Variants in OXR1 observed in about 807,000 individuals in gnomAD.
The protein encoded by OXR1 is oxidation resistance 1.
OXR1 carries 41 observed loss-of-function variants against 104.6 expected under a neutral mutation model. That is an observed-to-expected ratio of 0.39 (90% CI 0.31 to 0.51). The LOEUF (loss-of-function observed/expected upper bound fraction) is 0.51. Among genes scored for constraint, OXR1 ranks in the 20% least tolerant of loss-of-function variants. OXR1 has a pLI of 0.77. For synonymous variants in OXR1, 348 were observed against 348.4 expected, an observed-to-expected ratio of 1.00 and a Z score of 0.01; for missense variants, 955 against 1,031.9, an observed-to-expected ratio of 0.93 and a Z score of 1.02.
chr8:106,529,999 T>C (rs1278551505), intron 3 of OXR1, among the ~76,000 whole-genome samples: 1 of 152,198 alleles, frequency 6.6e-6, no homozygotes, highest in Non-Finnish European at 1.5e-5. Context: ...AAACTTGCCC[T>C]TTTAACCTGC....
intron 1 of OXR1, among the ~76,000 whole-genome samples, chr8:106,273,254 A>AG (rs969438483): frequency 4.3e-4 from 66 of 152,236 alleles, no homozygotes; most frequent in South Asian, 1.0e-3. Flanking sequence ...GAAAAAAAAA[A>AG]AAGAAGAAGA....
chr8:106,682,986 A>G (rs909820815), intron 4 of OXR1, among the ~76,000 whole-genome samples: 1 of 152,166 alleles, frequency 6.6e-6, no homozygotes, highest in Non-Finnish European at 1.5e-5. Context: ...CTACATGTAA[A>G]TGTATTGTGA....
At chr8:106,454,054 G>A (rs531999576) in intron 2 of OXR1, among the ~76,000 whole-genome samples, 97 of 152,216 alleles carry the variant, frequency 6.4e-4, no homozygotes, top group East Asian at 9.7e-4. Flanking sequence ...TAAATAAAAG[G>A]GAAACATAAG....
At chr8:106,354,186 A>G (rs1453574530) in intron 1 of OXR1, among the ~76,000 whole-genome samples, 1 of 152,012 alleles carries the variant, frequency 6.6e-6, no homozygotes, top group Non-Finnish European at 1.5e-5. Context: ...TAGAGAGCCT[A>G]GGTTAGGAAA....
At chr8:106,527,604 C>G (rs776565043) in intron 3 of OXR1, among the ~76,000 whole-genome samples, 6 of 152,192 alleles carry the variant, frequency 3.9e-5, no homozygotes, top group Non-Finnish European at 5.9e-5. Context: ...ATTAACTATT[C>G]ATTTGCCAGG....
chr8:106,657,880 C>T, intron 3 of OXR1: 2 of 1,242,920 alleles, frequency 1.6e-6, no homozygotes, highest in Non-Finnish European at 2.0e-6. Context: ...GCGGAGCCGC[C>T]TCCCCTGGGT....
chr8:106,317,435 A>G (rs1247986748), intron 1 of OXR1, among the ~76,000 whole-genome samples: 2 of 152,198 alleles, frequency 1.3e-5, no homozygotes, highest in African/African-American at 4.8e-5. Context: ...AGGAAACTAT[A>G]CCAAATTTAG....
In OXR1 at chr8:106,365,488, G is replaced by A. The variant is rs559725805; in HGVS notation, c.23+5852G>A. Among the ~76,000 whole-genome samples the A allele has an allele frequency of 5.6e-4, 85 of 151,700 alleles. 1 individual carries two copies. In the South Asian group the frequency reaches 0.017, roughly 30 times the overall value. On this transcript the variant is annotated intron_variant, in intron 2 of 16. Transcript: ENST00000517566. ...AAAGCTCAAGAGGAATGAAAAATGT[G>A]TCCTCCCAAATTACATAAAACTTTA... is the stretch of plus-strand genomic sequence containing the variant.
intron 11 of OXR1, among the ~76,000 whole-genome samples, chr8:106,715,908 AT>A (rs1345589587): frequency 5.9e-5 from 9 of 152,210 alleles, no homozygotes; most frequent in Non-Finnish European, 1.0e-4. Context: ...AGAGAAAAAA[AT>A]AATTTTGGAA....
At chr8:106,652,274 G>A (rs1026539270) in intron 3 of OXR1, among the ~76,000 whole-genome samples, 35 of 152,192 alleles carry the variant, frequency 2.3e-4, no homozygotes, top group African/African-American at 8.4e-4. Flanking sequence ...GAGCTTAAGA[G>A]AGGCAGCAAA....
intron 2 of OXR1, among the ~76,000 whole-genome samples, chr8:106,436,584 A>G (rs1819582988): frequency 6.6e-6 from 1 of 151,978 alleles, no homozygotes. Context: ...GTGACAGAAA[A>G]CCTAAGTTTT....
chr8:106,323,373 A>C (rs1299656524), intron 1 of OXR1, among the ~76,000 whole-genome samples: 5 of 152,226 alleles, frequency 3.3e-5, no homozygotes, highest in Non-Finnish European at 7.3e-5. Flanking sequence ...AGTCAATTCA[A>C]GTTGGATTAA....
At chr8:106,368,578 G>A (rs1317766749) in intron 2 of OXR1, among the ~76,000 whole-genome samples, 1 of 150,710 alleles carries the variant, frequency 6.6e-6, no homozygotes, top group East Asian at 2.0e-4. Context: ...AGGCCCTGAT[G>A]TGTGTTGTTT....
At chr8:106,419,403 A>G (rs1349971190) in intron 2 of OXR1, among the ~76,000 whole-genome samples, 3 of 152,178 alleles carry the variant, frequency 2.0e-5, no homozygotes, top group African/African-American at 7.2e-5. Context: ...GTCTGTCAGC[A>G]GATCTGCAAA....
At chr8:106,604,066 A>G (rs1367878382) in intron 3 of OXR1, among the ~76,000 whole-genome samples, 1 of 152,120 alleles carries the variant, frequency 6.6e-6, no homozygotes, top group East Asian at 1.9e-4. Flanking sequence ...AAACAAACAA[A>G]CAAACAAACA....
At chr8:106,671,537 T>C (rs867937004) in intron 3 of OXR1, among the ~76,000 whole-genome samples, 16 of 152,166 alleles carry the variant, frequency 1.1e-4, no homozygotes, top group African/African-American at 3.9e-4. Context: ...ATTGCAGCAC[T>C]ATTCACAATA....
chr8:106,676,131 A>G (rs1395033229), intron 3 of OXR1, among the ~76,000 whole-genome samples: 9 of 151,524 alleles, frequency 5.9e-5, no homozygotes, highest in African/African-American at 1.9e-4. Context: ...TAGAATTGCA[A>G]CCTCTGCTTT....
intron 3 of OXR1, among the ~76,000 whole-genome samples, chr8:106,602,093 G>C (rs926562382): frequency 2.0e-5 from 3 of 152,224 alleles, no homozygotes; most frequent in Non-Finnish European, 4.4e-5. Flanking sequence ...GCTCAGATCT[G>C]AGATTGCAAC....
At chr8:106,664,058 C>T (rs1011686272) in intron 3 of OXR1, among the ~76,000 whole-genome samples, 3 of 152,348 alleles carry the variant, frequency 2.0e-5, no homozygotes, top group Admixed American at 6.5e-5. Flanking sequence ...ATACTCTCTA[C>T]TTGATCGGCA....
Sources: gnomAD v4.1 joint callset for allele counts (sites outside exome capture counted in the v4.1 genomes callset) on GRCh38, gnomAD v4.1.1 for gene constraint, MANE v1.5 for transcripts, NCBI Gene and HGNC (gene_info 2026-07-23, HGNC 2026-07-21) for gene names.